Variants in CDK12 observed in about 807,000 individuals in gnomAD.
The protein encoded by CDK12 is cyclin dependent kinase 12.
In CDK12, 17 loss-of-function variants were observed where a neutral mutation model predicts 133.8. That is an observed-to-expected ratio of 0.13 (90% CI 0.09 to 0.19). The LOEUF (loss-of-function observed/expected upper bound fraction) is 0.19, where lower values mean the gene tolerates loss of function less well. Ranked by LOEUF, CDK12 falls within the 10% of genes least tolerant of loss-of-function variation. The probability of loss-of-function intolerance (pLI) is 1.00; values close to 1 mark genes in which losing one functional copy is unlikely to be tolerated. For synonymous variants in CDK12, 694 were observed against 683.6 expected, an observed-to-expected ratio of 1.02 and a Z score of -0.24; for missense variants, 1,508 against 1,818.7, an observed-to-expected ratio of 0.83 and a Z score of 3.11.
chr17:39,558,541 T>G (rs1268311753), intron 3 of CDK12, among the ~76,000 whole-genome samples: 1 of 152,254 alleles, frequency 6.6e-6, no homozygotes, highest in Non-Finnish European at 1.5e-5. Flanking sequence ...TATGCTGTGA[T>G]TTATAAGGCT....
At chr17:39,486,846 A>G (rs1435020555) in intron 2 of CDK12, among the ~76,000 whole-genome samples, 1 of 151,938 alleles carries the variant, frequency 6.6e-6, no homozygotes, top group African/African-American at 2.4e-5. Flanking sequence ...ATCTCTACTA[A>G]AAATACAAAA....
At chr17:39,501,550 A>G in intron 6 of CDK12, 111 bp downstream of exon 6, 1 of 668,784 alleles carries the variant, frequency 1.5e-6, no homozygotes, top group Non-Finnish European at 2.5e-6. Context: ...GTATTCACAC[A>G]CTATTTAGTG....
At chr17:39,521,822 A>G (rs1188040379) in intron 11 of CDK12, among the ~76,000 whole-genome samples, 1 of 151,062 alleles carries the variant, frequency 6.6e-6, no homozygotes, top group African/African-American at 2.4e-5. Flanking sequence ...TCAGCCTCCC[A>G]AAGTGTTGGG....
intron 1 of CDK12, among the ~76,000 whole-genome samples, chr17:39,542,355 A>G (rs1225336189): frequency 1.3e-5 from 2 of 151,170 alleles, no homozygotes; most frequent in African/African-American, 4.9e-5. Flanking sequence ...AGCCTGGCTA[A>G]TTTTTTTGTA....
At position 39,520,031 on chromosome 17, in the gene CDK12, G is replaced by C; in HGVS notation, c.3039G>C (p.Gln1013His). The change falls in exon 11 of 14, where the codon CAG becomes CAC. Residue 1013 changes from glutamine to histidine, a missense_variant. Physicochemically the swap from Gln to His is conservative, Grantham distance 24. Transcript: ENST00000447079. ...CTAGTAAGCGGTGCACAGCTGAACAGACCCTACAGAGCGACTTCCTTAAAG... is the reference window on the plus strand; with the variant it reads ...CTAGTAAGCGGTGCACAGCTGAACACACCCTACAGAGCGACTTCCTTAAAG... ...LDPSKRCTAE[Q>H]TLQSDFLKDV... 1 of 1,614,034 alleles carries C rather than the reference G, an allele frequency of 6.2e-7. No homozygotes were observed. Among genetic ancestry groups the C allele is most frequent in the Non-Finnish European group, 8.5e-7 (1 of 1,179,996 alleles).
intron 3 of CDK12, among the ~76,000 whole-genome samples, chr17:39,560,429 T>C (rs1178738896): frequency 1.3e-5 from 2 of 152,252 alleles, no homozygotes; most frequent in East Asian, 3.8e-4. Flanking sequence ...AACTTCTTAA[T>C]TGGGCATGGC....
intron 13 of CDK12, among the ~76,000 whole-genome samples, chr17:39,529,543 T>C (rs1231171202): frequency 6.6e-6 from 1 of 152,198 alleles, no homozygotes; most frequent in Non-Finnish European, 1.5e-5. Context: ...AGGATGACTC[T>C]CAATTTTCTA....
intron 4 of CDK12, 34 bp from the exon 5 acceptor site, chr17:39,494,489 TC>T: frequency 6.2e-7 from 1 of 1,601,160 alleles, no homozygotes; most frequent in Non-Finnish European, 8.5e-7. Flanking sequence ...CCAAAAATGC[TC>T]ATTGATAATA....
At chr17:39,464,814 C>T (rs147207136) in intron 1 of CDK12, among the ~76,000 whole-genome samples, 3,034 of 151,346 alleles carry the variant, frequency 0.02, 50 homozygotes, top group Non-Finnish European at 0.028. Context: ...TAGCTGGTCG[C>T]GGTGGTGCAC....
chr17:39,470,915 A>G lies in CDK12; in HGVS notation c.1083A>G (p.Ala361=), dbSNP rs1321323109. The G allele has an allele frequency of 1.2e-6, 2 of 1,610,620 alleles. No individual in the cohort carries two copies. The highest frequency in any genetic ancestry group is 1.7e-6 in the Non-Finnish European group (2 of 1,179,278). The change falls in exon 2 of 14, where the codon GCA becomes GCG. Residue 361 remains alanine, a synonymous_variant. Transcript: ENST00000447079. The stretch of plus-strand genomic sequence containing the variant: ...TGAAGTCCAGAAGTAGAAGTCCTGC[A>G]TATTCAAGACATTCATCTTCTCATA... ...KSMKSRSRSP[A]YSRHSSSHSK...
chr17:39,499,225 G>C (rs1427952073), intron 5 of CDK12, among the ~76,000 whole-genome samples: 1 of 25,580 alleles, frequency 3.9e-5, no homozygotes, highest in Non-Finnish European at 7.1e-5. Flanking sequence ...TTTTTTTTTT[G>C]AGACAGAGTC....
At chr17:39,464,774 C>T (rs1030733431) in intron 1 of CDK12, among the ~76,000 whole-genome samples, 9 of 133,106 alleles carry the variant, frequency 6.8e-5, no homozygotes, top group Admixed American at 1.6e-4. Context: ...CATAGTGAGG[C>T]CCCGTTCTCT....
At chr17:39,525,369 T>C (rs962435760) in intron 12 of CDK12, among the ~76,000 whole-genome samples, 5 of 152,218 alleles carry the variant, frequency 3.3e-5, no homozygotes, top group African/African-American at 1.2e-4. Flanking sequence ...AGTTCTCCTG[T>C]GTTATGACCA....
rs1308090187 is a variant in CDK12 at position 39,479,707 on chromosome 17, A to G, written c.1931+7944A>G. 2.6e-5 allele frequency among the ~76,000 whole-genome samples: 4 copies of G among 151,124 alleles called. No individual in the cohort carries two copies. The East Asian group carries it at 7.8e-4, about 29-fold the overall frequency. Reference sequence around the variant, plus strand: ...AGTGGCATGATCTCGGCTCACTGTAATCTCCGCCTCTCGGGTTCAAGCAAT... The same window carrying G: ...AGTGGCATGATCTCGGCTCACTGTAGTCTCCGCCTCTCGGGTTCAAGCAAT... On this transcript the variant is annotated intron_variant, in intron 2 of 13. Coordinates refer to ENST00000447079, the MANE Select transcript of CDK12 (RefSeq NM_016507.4).
intron 13 of CDK12, among the ~76,000 whole-genome samples, chr17:39,529,010 A>G (rs1200381632): frequency 6.6e-6 from 1 of 152,120 alleles, no homozygotes; most frequent in African/African-American, 2.4e-5. Flanking sequence ...AAAATTTTCC[A>G]TGGCTAATTT....
At chr17:39,518,765 G>T (rs571389180) in intron 10 of CDK12, among the ~76,000 whole-genome samples, 2 of 151,670 alleles carry the variant, frequency 1.3e-5, no homozygotes, top group African/African-American at 4.8e-5. Flanking sequence ...CACCATGTTG[G>T]CCAGGCTGGT....
intron 9 of CDK12, 40 bp downstream of exon 9, chr17:39,515,848 A>G (rs954580111): frequency 6.2e-6 from 8 of 1,289,138 alleles, no homozygotes; most frequent in Non-Finnish European, 8.9e-6. Context: ...CAGGTGTGAT[A>G]GGTATTCTCA....
intron 11 of CDK12, among the ~76,000 whole-genome samples, chr17:39,522,811 G>C (rs573919207): frequency 1.3e-5 from 2 of 152,174 alleles, no homozygotes; most frequent in East Asian, 3.9e-4. Flanking sequence ...CCAGCACTTT[G>C]GGAGGCCGAG....
intron 8 of CDK12, among the ~76,000 whole-genome samples, chr17:39,515,477 ACT>A (rs1305964993): frequency 6.6e-6 from 1 of 152,058 alleles, no homozygotes; most frequent in Non-Finnish European, 1.5e-5. Flanking sequence ...ATAGAAAAAG[ACT>A]CTTGACTCCC....
Sources: gnomAD v4.1 joint callset for allele counts (sites outside exome capture counted in the v4.1 genomes callset) on GRCh38, gnomAD v4.1.1 for gene constraint, MANE v1.5 for transcripts, NCBI Gene and HGNC (gene_info 2026-07-23, HGNC 2026-07-21) for gene names.